Variants in SPIRE1 observed in about 807,000 individuals in gnomAD.
SPIRE1 encodes the protein spire type actin nucleation factor 1, also known as protein spire homolog 1.
Under a neutral mutation model 94.1 loss-of-function variants are expected in SPIRE1, and 40 were observed. The observed-to-expected ratio is 0.43, with a 90% confidence interval of 0.33 to 0.55. SPIRE1 has a LOEUF of 0.55. Ranked by LOEUF, SPIRE1 falls within the 20% of genes least tolerant of loss-of-function variation. The pLI is 0.06. For missense variants in SPIRE1, 838 were observed against 975.2 expected (o/e 0.86, Z 1.87); for synonymous variants, 376 against 371.7 (o/e 1.01, Z -0.13).
intron 4 of SPIRE1, 122 bp from the exon 5 acceptor site, chr18:12,512,653 C>T: frequency 1.5e-6 from 1 of 645,268 alleles, no homozygotes; most frequent in Non-Finnish European, 2.7e-6. Context: ...GGTACAGAAT[C>T]TATTGCTCCG....
At chr18:12,558,475 C>T (rs1039659138) in intron 2 of SPIRE1, among the ~76,000 whole-genome samples, 9 of 152,192 alleles carry the variant, frequency 5.9e-5, no homozygotes, top group African/African-American at 1.9e-4. Context: ...GAAGGGGACT[C>T]GAGCAGCGTG....
intron 3 of SPIRE1, among the ~76,000 whole-genome samples, chr18:12,536,619 GTGCTGCC>G (rs1186932526): frequency 1.3e-5 from 2 of 152,066 alleles, no homozygotes; most frequent in Non-Finnish European, 2.9e-5. Context: ...AAGGCCACAG[GTGCTGCC>G]TACAGCCCTA....
intron 2 of SPIRE1, among the ~76,000 whole-genome samples, chr18:12,618,586 A>G (rs1051937888): frequency 2.6e-5 from 4 of 152,174 alleles, no homozygotes; most frequent in Admixed American, 1.3e-4. Context: ...TTTTAATCTT[A>G]TATTCTAGAA....
intron 2 of SPIRE1, among the ~76,000 whole-genome samples, chr18:12,589,701 C>T (rs2036478148): frequency 6.6e-6 from 1 of 152,180 alleles, no homozygotes; most frequent in Non-Finnish European, 1.5e-5. Context: ...CAAGGACAGA[C>T]ACTAGCTAAC....
intron 8 of SPIRE1, among the ~76,000 whole-genome samples, chr18:12,492,817 G>A (rs552515769): frequency 3.9e-5 from 6 of 152,164 alleles, no homozygotes; most frequent in African/African-American, 7.2e-5. Flanking sequence ...ATTACGGCAC[G>A]ATGTTCTCAT....
rs116372328 is a variant in SPIRE1 at position 12,537,545 on chromosome 18, A to G, written c.604-1944T>C. Among the ~76,000 whole-genome samples the G allele has an allele frequency of 9.5e-3, 1,440 of 152,370 alleles. 28 individuals are homozygous for G. Among genetic ancestry groups the G allele is most frequent in the African/African-American group, 0.032 (1,329 of 41,582 alleles). On this transcript the variant is annotated intron_variant, in intron 3 of 16. Coordinates refer to ENST00000409402, the MANE Select transcript of SPIRE1 (RefSeq NM_001128626.2). ...TCACTGGTTGTAAACTGCAACTTTA[A>G]AAACACTGGTGTAAAGGTAATAGCT...
intron 2 of SPIRE1, among the ~76,000 whole-genome samples, chr18:12,562,721 G>C (rs752323114): frequency 9.9e-5 from 14 of 140,776 alleles, no homozygotes; most frequent in Non-Finnish European, 2.1e-4. Flanking sequence ...TGTTGCCTAG[G>C]CTGGTCTTGA....
At chr18:12,472,717 T>C (rs1056841229) in intron 10 of SPIRE1, among the ~76,000 whole-genome samples, 1 of 151,252 alleles carries the variant, frequency 6.6e-6, no homozygotes, top group African/African-American at 2.4e-5. Flanking sequence ...TGGAGTGCAG[T>C]GGCAATGATT....
Position 12,657,706 on chromosome 18 carries a change from T to A in SPIRE1, c.161A>T (p.Asn54Ile), listed in dbSNP as rs1738224318. The change falls in exon 1 of 17, where the codon AAC becomes ATC. Residue 54 changes from asparagine to isoleucine, a missense_variant. Asn to Ile is a moderately radical substitution (Grantham distance 149). Coordinates refer to ENST00000409402, the MANE Select transcript of SPIRE1 (RefSeq NM_001128626.2). ...EILRLYNQPI[N>I]EEQAWAVCYQ... ...GCACACGGCCCACGCCTGCTCCTCG[T>A]TGATGGGCTGGTTGTACAGCCGCAG... The A allele has an allele frequency of 7.1e-7, 1 of 1,405,966 alleles. No individual in the cohort carries two copies. The highest frequency in any genetic ancestry group is 9.3e-7 in the Non-Finnish European group (1 of 1,073,028). 87.1% of individuals were successfully genotyped at this position (1,405,966 alleles called of 1,614,324 possible). A position where few individuals can be genotyped will look rare whatever the true frequency, so the allele number is the denominator to read the frequency against.
intron 2 of SPIRE1, among the ~76,000 whole-genome samples, chr18:12,601,508 CAATT>C (rs1303813395): frequency 4.6e-5 from 7 of 152,228 alleles, no homozygotes; most frequent in Non-Finnish European, 2.9e-5. Flanking sequence ...TCAAAATGTA[CAATT>C]ATTTAATGAT....
intron 11 of SPIRE1, 60 bp from the exon 12 acceptor site, chr18:12,463,553 G>A: frequency 1.5e-6 from 2 of 1,330,984 alleles, no homozygotes; most frequent in Non-Finnish European, 2.1e-6. Context: ...AAAACCTTTT[G>A]ACATTTGTGA....
chr18:12,578,028 C>G (rs1267848433), intron 2 of SPIRE1, among the ~76,000 whole-genome samples: 1 of 152,078 alleles, frequency 6.6e-6, no homozygotes, highest in Non-Finnish European at 1.5e-5. Flanking sequence ...TCTAGAATGA[C>G]TAAAATTAAA....
chr18:12,654,439 G>A (rs967663025), intron 1 of SPIRE1, among the ~76,000 whole-genome samples: 9 of 151,222 alleles, frequency 6.0e-5, no homozygotes, highest in African/African-American at 1.9e-4. Flanking sequence ...GAGGTCAGGA[G>A]ATCGAGACCA....
At chr18:12,512,591 T>C (rs377099983) in intron 4 of SPIRE1, 60 bp from the exon 5 acceptor site, 66 of 1,026,660 alleles carry the variant, frequency 6.4e-5, no homozygotes, top group Non-Finnish European at 4.8e-5. Flanking sequence ...CAAATTAAAA[T>C]TCCTAACATA....
At chr18:12,616,336 G>A (rs975899809) in intron 2 of SPIRE1, among the ~76,000 whole-genome samples, 19 of 152,164 alleles carry the variant, frequency 1.2e-4, no homozygotes, top group African/African-American at 2.2e-4. Context: ...CGTGATCCTC[G>A]ACTCCATCTG....
chr18:12,512,568 T>A (rs1489262229), intron 4 of SPIRE1, 37 bp from the exon 5 acceptor site: 2 of 1,290,524 alleles, frequency 1.5e-6, no homozygotes, highest in Non-Finnish European at 2.2e-6. Flanking sequence ...AACATTTCAT[T>A]AAGTTATCTT....
intron 6 of SPIRE1, among the ~76,000 whole-genome samples, chr18:12,503,101 T>A (rs1269279032): frequency 7.0e-6 from 1 of 143,168 alleles, no homozygotes; most frequent in Non-Finnish European, 1.5e-5. Flanking sequence ...AGAGTGAGAC[T>A]CTGTCTCAAA....
At chr18:12,521,337 T>A (rs1283626781) in intron 4 of SPIRE1, among the ~76,000 whole-genome samples, 5 of 87,098 alleles carry the variant, frequency 5.7e-5, no homozygotes, top group Non-Finnish European at 1.2e-4. Context: ...TAGCAGATAC[T>A]TTTTTTTTTT....
rs1445641724 is a variant in SPIRE1 at position 12,621,987 on chromosome 18, C to T, written c.372+13075G>A. Among the ~76,000 whole-genome samples, 4 of 152,108 alleles carry T rather than the reference C, an allele frequency of 2.6e-5. No individual in the cohort carries two copies. The East Asian group carries it at 7.7e-4, about 29-fold the overall frequency. ...TCTGCTAAATACAGTAAAATCTCCA[C>T]CAAATTGAGAGAATATGTCGAGACA... On this transcript the variant is annotated intron_variant, in intron 2 of 16. Coordinates refer to ENST00000409402, the MANE Select transcript of SPIRE1 (RefSeq NM_001128626.2).
Sources: gnomAD v4.1 joint callset for allele counts (sites outside exome capture counted in the v4.1 genomes callset) on GRCh38, gnomAD v4.1.1 for gene constraint, MANE v1.5 for transcripts, NCBI Gene and HGNC (gene_info 2026-07-23, HGNC 2026-07-21) for gene names.